ZNF454: variants seen among roughly 807,000 people sequenced by gnomAD.
The protein encoded by ZNF454 is zinc finger protein 454.
In ZNF454, 30 loss-of-function variants were observed where a neutral mutation model predicts 48.2. The observed-to-expected ratio is 0.62, with a 90% CI of 0.47 to 0.84. The LOEUF is 0.84. Among genes scored for constraint, ZNF454 ranks in the 40% least tolerant of loss-of-function variants. The pLI is 0.00. For synonymous variants in ZNF454, 204 were observed against 211.4 expected (o/e 0.97, Z 0.30); for missense variants, 510 against 623.1 (o/e 0.82, Z 1.93).
At chr5:178,980,026 T>C in the ZNF454 span, 2 of 154,102 alleles carry the variant, frequency 1.3e-5, no homozygotes, top group Non-Finnish European at 2.9e-5. The surrounding 1 kb of genome is among the most constrained non-coding windows in gnomAD (Gnocchi z 4.3). Flanking sequence ...ACACAACAAA[T>C]GTGGAGAAGG....
chr5:178,983,379 G>A, the ZNF454 span: 2 of 742,768 alleles, frequency 2.7e-6, no homozygotes, highest in African/African-American at 3.4e-5. Context: ...ACTCAGTGGA[G>A]AAGAGGGGAT....
chr5:178,945,312 C>T (rs1561694216), intron 2 of ZNF454, among the ~76,000 whole-genome samples: 1 of 147,286 alleles, frequency 6.8e-6, no homozygotes, highest in African/African-American at 2.5e-5. Flanking sequence ...ACGTGTCTGT[C>T]TGTGTATGTT....
At chr5:178,970,715 C>T (rs572193044), downstream of ZNF454, among the ~76,000 whole-genome samples, 77 of 152,192 alleles carry the variant, frequency 5.1e-4, no homozygotes, top group South Asian at 5.0e-3. Flanking sequence ...TTGCCTCAGC[C>T]GCGTCACTAT....
chr5:178,982,807 T>A, the ZNF454 span: 1 of 813,460 alleles, frequency 1.2e-6, no homozygotes, highest in Non-Finnish European at 2.1e-6. Context: ...AGCAGCCAGA[T>A]ACGGGATAAA....
rs751284270 is a variant in ZNF454, at chr5:178,946,435, C to A, written c.110C>A (p.Ala37Asp). The A allele has an allele frequency of 1.1e-5, 17 of 1,612,478 alleles. No individual in the cohort carries two copies. The highest frequency in any genetic ancestry group is 1.4e-5 in the Non-Finnish European group (16 of 1,179,492). The change falls in exon 3 of 5, where the codon GCC becomes GAC. Residue 37 changes from alanine (A) to aspartate (D), a missense_variant. Ala to Asp is a moderately radical substitution (Grantham distance 126, BLOSUM62 -2). Transcript: ENST00000519564. This position sits in a 1 kb window ranked among gnomAD's most constrained non-coding sequence, Gnocchi z 4.5. ...EWGQLSPAQR[A>D]LYRDVMLENY... ...GGGCAGCTGAGCCCCGCCCAGAGGG[C>A]CCTGTACAGGGACGTGATGCTGGAG...
chr5:178,965,740 G>A lies in ZNF454; in HGVS notation c.1336G>A (p.Glu446Lys). The A allele has an allele frequency of 6.2e-7, 1 of 1,614,124 alleles. No homozygotes were observed. Among genetic ancestry groups the A allele is most frequent in the South Asian group, 1.1e-5 (1 of 91,078 alleles). Reference sequence around the variant, plus strand: ...AAAACCTTATACATGTAACATATGTGAAAAAGCCTTCAGTGACCATTCAGC... The same window carrying A: ...AAAACCTTATACATGTAACATATGTAAAAAAGCCTTCAGTGACCATTCAGC... Reference protein sequence around the residue: ...GEKPYTCNICEKAFSDHSALT... With the variant: ...GEKPYTCNICKKAFSDHSALT... The change falls in exon 5 of 5, where the codon GAA becomes AAA. Residue 446 changes from glutamate (E) to lysine (K), a missense_variant. Glu to Lys is a moderately conservative substitution (Grantham distance 56). Transcript: ENST00000519564. This position sits in a 1 kb window ranked among gnomAD's most constrained non-coding sequence, Gnocchi z 5.2.
chr5:178,986,307 G>C, the ZNF454 span: 1 of 1,614,022 alleles, frequency 6.2e-7, no homozygotes, highest in Non-Finnish European at 8.5e-7. Context: ...GGGCGGCACA[G>C]ACCGCGGCCC....
In ZNF454 at chr5:178,965,790, TAC is replaced by T; in HGVS notation, c.1387_1388del (p.Thr463Ter). 1.2e-6 allele frequency: 2 copies of T among 1,614,136 alleles called. No individual in the cohort carries two copies. Among genetic ancestry groups the T allele is most frequent in the Non-Finnish European group, 1.7e-6 (2 of 1,180,032 alleles). On this transcript the variant is annotated frameshift_variant, in exon 5 of 5. Coordinates refer to ENST00000519564, the MANE Select transcript of ZNF454 (RefSeq NM_001178089.3). LOFTEE classifies it high-confidence loss of function. This position sits in a 1 kb window ranked among gnomAD's most constrained non-coding sequence, Gnocchi z 5.2. ...SALTQHKRIH[T>X]REKPYKCKIC... ...CCCTTACCCAACATAAGAGAATTCA[TAC>T]TAGGGAAAAACCTTACAAATGTAAA...
At chr5:178,950,353 AT>A (rs1285932258) in intron 4 of ZNF454, among the ~76,000 whole-genome samples, 4 of 152,214 alleles carry the variant, frequency 2.6e-5, no homozygotes, top group African/African-American at 7.2e-5. Flanking sequence ...TTTCATCCTT[AT>A]AACCTGTGAG....
rs745991542 is a variant in ZNF454, at chr5:178,947,021, G to T, written c.250+35G>T. 9 of 1,587,342 alleles carry T rather than the reference G, an allele frequency of 5.7e-6. No individual in the cohort carries two copies. The Admixed American group carries it at 1.4e-4, about 24-fold the overall frequency. On this transcript the variant is annotated intron_variant, in intron 4 of 4. Coordinates refer to ENST00000519564, the MANE Select transcript of ZNF454 (RefSeq NM_001178089.3). ...ATGTGTGTGGGAGACACCGGGAGGA[G>T]CCCTGCTGGGTAGGGAAGGCTCCGT...
At chr5:178,988,580 G>A in the ZNF454 span, among the ~76,000 whole-genome samples, 71 of 152,270 alleles carry the variant, frequency 4.7e-4, no homozygotes, top group African/African-American at 1.1e-3. The surrounding 1 kb of genome is among the most constrained non-coding windows in gnomAD (Gnocchi z 6.0). Context: ...GGCGCCCCAC[G>A]CAGTCTTAAC....
intron 4 of ZNF454, chr5:178,956,904 A>G: frequency 6.1e-6 from 2 of 328,406 alleles, no homozygotes; most frequent in Non-Finnish European, 1.2e-5. Context: ...TTGTTTTTTT[A>G]GATGGAGTCT....
At chr5:178,986,954 C>A in the ZNF454 span, 2 of 1,613,992 alleles carry the variant, frequency 1.2e-6, no homozygotes, top group Non-Finnish European at 1.7e-6. Context: ...TCTCCGTTCT[C>A]GTTGAACATC....
In ZNF454 at chr5:178,944,917, G is replaced by C. The variant is rs957270116; in HGVS notation, c.34-1442G>C. Among the ~76,000 whole-genome samples the C allele has an allele frequency of 9.2e-5, 14 of 152,184 alleles. No homozygotes were observed. The highest frequency in any genetic ancestry group is 3.1e-4 in the African/African-American group (13 of 41,444). On this transcript the variant is annotated intron_variant, in intron 2 of 4. Transcript: ENST00000519564. The surrounding 1 kb of genome is among the most constrained non-coding windows in gnomAD (Gnocchi z 4.1). ...GACTTTCCTCTGTGACCCCCTCTCA[G>C]AGTTTCTAAGAAAGGGACTAGTTCT...
downstream of ZNF454, chr5:178,969,839 A>C: frequency 2.9e-6 from 1 of 343,608 alleles, no homozygotes. Context: ...GGCTTCTGGG[A>C]ACAGCCACTG....
chr5:178,941,340 C>T lies in ZNF454; in HGVS notation c.-212C>T. ...CAAAGCCGCAGAGGGAGAGCGGGAG[C>T]GGTCGTGAGGTCGTCTGGGGAGAAG... On this transcript the variant is annotated 5_prime_UTR_variant, in exon 1 of 5. Coordinates refer to ENST00000519564, the MANE Select transcript of ZNF454 (RefSeq NM_001178089.3). The surrounding 1 kb of genome is among the most constrained non-coding windows in gnomAD (Gnocchi z 5.5). The T allele has an allele frequency of 6.6e-6, 3 of 452,826 alleles. No individual in the cohort carries two copies. Among genetic ancestry groups the T allele is most frequent in the South Asian group, 4.7e-5 (3 of 64,014 alleles). The allele number at this position is 452,826 out of a possible 1,614,324, so 28.1% of individuals were successfully genotyped here.
chr5:178,964,809 C>A lies in ZNF454; in HGVS notation c.405C>A (p.Ile135=). Residue 135 remains isoleucine, a synonymous_variant, in exon 5 of 5, where the codon ATC becomes ATA. Transcript: ENST00000519564. The part of the protein sequence containing the change: ...LLEWQCGGQE[I]SLQRVVLTHP... Reference sequence around the variant, plus strand: ...AGTGGCAATGTGGAGGCCAGGAGATCAGTTTGCAGCGAGTGGTACTCACTC... The same window carrying A: ...AGTGGCAATGTGGAGGCCAGGAGATAAGTTTGCAGCGAGTGGTACTCACTC... The A allele has an allele frequency of 6.2e-7, 1 of 1,614,132 alleles. No individual in the cohort carries two copies. The highest frequency in any genetic ancestry group is 8.5e-7 in the Non-Finnish European group (1 of 1,180,028).
chr5:178,967,001 T>C (rs542711780), downstream of ZNF454, among the ~76,000 whole-genome samples: 1 of 152,282 alleles, frequency 6.6e-6, no homozygotes, highest in African/African-American at 2.4e-5. Flanking sequence ...TCCATGATGT[T>C]GAATATCACA....
At chr5:178,984,968 G>T in the ZNF454 span, among the ~76,000 whole-genome samples, 1 of 152,118 alleles carries the variant, frequency 6.6e-6, no homozygotes, top group Non-Finnish European at 1.5e-5. Flanking sequence ...AAAACATCCA[G>T]GGCGCCCCAG....
Sources: gnomAD v4.1 joint callset for allele counts (sites outside exome capture counted in the v4.1 genomes callset) on GRCh38, gnomAD v4.1.1 for gene constraint, Gnocchi (gnomAD v3.1) non-coding constraint, MANE v1.5 for transcripts, NCBI Gene and HGNC (gene_info 2026-07-23, HGNC 2026-07-21) for gene names.